The following ENTHD1 variants were observed in gnomAD, a reference collection of about 807,000 sequenced individuals.
ENTHD1 encodes ENTH domain containing 1.
In ENTHD1, 23 loss-of-function variants were observed where a neutral mutation model predicts 39.1. That is an observed-to-expected ratio of 0.59 (90% CI 0.42 to 0.83). The LOEUF (loss-of-function observed/expected upper bound fraction) is 0.83, where lower values mean the gene tolerates loss of function less well. ENTHD1 is among the 40% of genes least tolerant of loss of function. ENTHD1 has a pLI of 0.00. For missense variants in ENTHD1, 624 were observed against 705.4 expected, an observed-to-expected ratio of 0.88 and a Z score of 1.31; for synonymous variants, 230 against 258.2, an observed-to-expected ratio of 0.89 and a Z score of 1.05.
At position 39,743,575 on chromosome 22, in the gene ENTHD1, A is replaced by G; in HGVS notation, c.*104T>C. 7.6e-7 allele frequency: 1 copy of G among 1,323,748 alleles called. No homozygotes were observed. The highest frequency in any genetic ancestry group is 1.0e-6 in the Non-Finnish European group (1 of 1,003,620). The allele number at this position is 1,323,748 out of a possible 1,614,324, so 82.0% of individuals were successfully genotyped here. On this transcript the variant is annotated 3_prime_UTR_variant, in exon 7 of 7. Coordinates refer to ENST00000325157, the MANE Select transcript of ENTHD1 (RefSeq NM_152512.4). ...AATAAACCTGACAAGGAAAAATTAA[A>G]CCATCCCCTTTTTTGCCATAATAAT...
chr22:39,843,163 ATGTTTAC>A (rs1236490098), intron 3 of ENTHD1, among the ~76,000 whole-genome samples: 2 of 152,184 alleles, frequency 1.3e-5, no homozygotes, highest in African/African-American at 2.4e-5. Context: ...ATGCACATGT[ATGTTTAC>A]TGCGGCACTA....
At chr22:39,875,392 G>A (rs1194946666) in intron 2 of ENTHD1, 2 of 1,446,146 alleles carry the variant, frequency 1.4e-6, no homozygotes, top group African/African-American at 2.9e-5. Context: ...AGGCCACGGT[G>A]CCCGCCACCC....
chr22:39,789,269 A>G (rs2065484809), intron 5 of ENTHD1, among the ~76,000 whole-genome samples: 1 of 152,094 alleles, frequency 6.6e-6, no homozygotes, highest in African/African-American at 2.4e-5. Context: ...CTTCCATTTT[A>G]AATACATAGG....
intron 3 of ENTHD1, among the ~76,000 whole-genome samples, chr22:39,854,654 C>T (rs368168364): frequency 6.6e-6 from 1 of 152,046 alleles, no homozygotes; most frequent in East Asian, 1.9e-4. Flanking sequence ...GAAACAAAAA[C>T]CACCCAGGCT....
intron 3 of ENTHD1, among the ~76,000 whole-genome samples, chr22:39,839,113 A>G (rs2065926335): frequency 6.6e-6 from 1 of 152,128 alleles, no homozygotes; most frequent in South Asian, 2.1e-4. Flanking sequence ...TTATACTTAT[A>G]AAACTTCATA....
At chr22:39,838,221 A>T (rs921140785) in intron 3 of ENTHD1, among the ~76,000 whole-genome samples, 1 of 152,186 alleles carries the variant, frequency 6.6e-6, no homozygotes, top group Non-Finnish European at 1.5e-5. Context: ...AAATTTTAGT[A>T]TGAATTTTTT....
chr22:39,752,942 C>G (rs2065158375), intron 6 of ENTHD1, among the ~76,000 whole-genome samples: 1 of 152,160 alleles, frequency 6.6e-6, no homozygotes, highest in Admixed American at 6.5e-5. Context: ...GCTCTGAAGC[C>G]TTTTACAGAC....
At position 39,828,251 on chromosome 22, in the gene ENTHD1, T is replaced by C. The variant is rs979480461; in HGVS notation, c.712-7138A>G. 4.6e-5 allele frequency among the ~76,000 whole-genome samples: 7 copies of C among 152,226 alleles called. 1 individual carries two copies. Among genetic ancestry groups the C allele is most frequent in the African/African-American group, 7.2e-5 (3 of 41,460 alleles). On this transcript the variant is annotated intron_variant, in intron 4 of 6. Transcript: ENST00000325157. ...GGAGGAGTAAGGAGCCACCCTGCTC[T>C]GTACTCTTTACCCTGTGATGTTGTC...
intron 2 of ENTHD1, among the ~76,000 whole-genome samples, chr22:39,883,513 C>T (rs1051408965): frequency 7.2e-5 from 11 of 151,894 alleles, no homozygotes; most frequent in Non-Finnish European, 1.5e-4. Flanking sequence ...TACTTGATGA[C>T]GGGAAGCTTT....
At chr22:39,877,494 A>G (rs1398974786) in intron 2 of ENTHD1, among the ~76,000 whole-genome samples, 1 of 152,248 alleles carries the variant, frequency 6.6e-6, no homozygotes, top group Non-Finnish European at 1.5e-5. Context: ...CAAATACAGT[A>G]CAGAGAATCA....
At chr22:39,804,016 C>A (rs1344955129) in intron 5 of ENTHD1, among the ~76,000 whole-genome samples, 2 of 150,520 alleles carry the variant, frequency 1.3e-5, no homozygotes, top group African/African-American at 4.9e-5. Context: ...AGAAAAAAAT[C>A]AGCTGGGCAT....
chr22:39,888,037 T>C, intron 1 of ENTHD1, 134 bp from the exon 2 acceptor site: 1 of 299,080 alleles, frequency 3.3e-6, no homozygotes, highest in Non-Finnish European at 6.1e-6. Flanking sequence ...GGGTACCATA[T>C]AACTGTTCCT....
Position 39,743,938 on chromosome 22 carries a change from T to C in ENTHD1, c.1565A>G (p.Asp522Gly). The C allele has an allele frequency of 1.9e-6, 3 of 1,614,142 alleles. No individual in the cohort carries two copies. The highest frequency in any genetic ancestry group is 2.5e-6 in the Non-Finnish European group (3 of 1,180,014). ...AGAACAGGACAGAGGGATGAACTGG[T>C]CTACATTTTGGGTGGAAAACTCCCC... is the stretch of plus-strand genomic sequence containing the variant. ...HWGEFSTQNV[D>G]QFIPLSCSGF... The change falls in exon 7 of 7, where the codon GAC becomes GGC. Residue 522 changes from aspartate (D) to glycine (G), a missense_variant. By Grantham distance (94) the Asp-to-Gly change is moderately conservative (BLOSUM62 -1). Coordinates refer to ENST00000325157, the MANE Select transcript of ENTHD1 (RefSeq NM_152512.4).
Position 39,795,259 on chromosome 22 carries a change from G to A in ENTHD1, c.832+25734C>T, listed in dbSNP as rs116270003. 7.8e-3 allele frequency among the ~76,000 whole-genome samples: 1,183 copies of A among 152,250 alleles called. 7 individuals are homozygous for A. Among genetic ancestry groups the A allele is most frequent in the African/African-American group, 0.027 (1,121 of 41,534 alleles). ...GTCATTCTCTGGCTTTAGAATCATGGTAATGCTTGTCTCCTAGAATGAGTT... is the reference window on the plus strand; with the variant it reads ...GTCATTCTCTGGCTTTAGAATCATGATAATGCTTGTCTCCTAGAATGAGTT... On this transcript the variant is annotated intron_variant, in intron 5 of 6. Coordinates refer to ENST00000325157, the MANE Select transcript of ENTHD1 (RefSeq NM_152512.4).
chr22:39,848,711 G>A (rs1370039246), intron 3 of ENTHD1, among the ~76,000 whole-genome samples: 3 of 152,132 alleles, frequency 2.0e-5, no homozygotes, highest in South Asian at 2.1e-4. Context: ...CAAGGGTCAT[G>A]GGGCTTATCC....
chr22:39,802,620 G>A (rs780893030), intron 5 of ENTHD1, among the ~76,000 whole-genome samples: 1 of 152,206 alleles, frequency 6.6e-6, no homozygotes, highest in Non-Finnish European at 1.5e-5. Flanking sequence ...TGGGGAAGAG[G>A]AATTCTAGTT....
intron 6 of ENTHD1, among the ~76,000 whole-genome samples, chr22:39,748,582 G>A (rs1236322748): frequency 4.0e-5 from 6 of 149,200 alleles, no homozygotes; most frequent in Non-Finnish European, 7.4e-5. Context: ...CACCACGCCC[G>A]GCTATTTTTT....
intron 3 of ENTHD1, among the ~76,000 whole-genome samples, chr22:39,840,093 G>A (rs913071242): frequency 2.6e-5 from 4 of 152,180 alleles, no homozygotes; most frequent in African/African-American, 9.7e-5. Flanking sequence ...GCAAGTAGGA[G>A]AGAACATACA....
chr22:39,805,943 G>A (rs763364663), intron 5 of ENTHD1, among the ~76,000 whole-genome samples: 5 of 152,108 alleles, frequency 3.3e-5, no homozygotes, highest in South Asian at 4.1e-4. Context: ...GCTGCCAGAC[G>A]GCCCTCTGTC....
Sources: gnomAD v4.1 joint callset for allele counts (sites outside exome capture counted in the v4.1 genomes callset) on GRCh38, gnomAD v4.1.1 for gene constraint, MANE v1.5 for transcripts, NCBI Gene and HGNC (gene_info 2026-07-23, HGNC 2026-07-21) for gene names.